KANK3: variants seen among roughly 807,000 people sequenced by gnomAD.
KANK3 encodes the protein KN motif and ankyrin repeat domains 3.
KANK3 carries 61 observed loss-of-function variants against 65.4 expected under a neutral mutation model. The ratio of observed to expected loss-of-function variants is 0.93; its 90% confidence interval spans 0.76 to 1.15. KANK3 has a LOEUF of 1.15. Among genes scored for constraint, KANK3 ranks in the 50% most tolerant of loss-of-function variants. The probability of loss-of-function intolerance (pLI) is 0.00; values close to 1 mark genes in which losing one functional copy is unlikely to be tolerated. For synonymous variants in KANK3, 586 were observed against 543.3 expected, an observed-to-expected ratio of 1.08 and a Z score of -1.09; for missense variants, 1,187 against 1,178.8, an observed-to-expected ratio of 1.01 and a Z score of -0.10.
At chr19:8,323,168 G>A (rs145210584) in intron 10 of KANK3, 18 of 340,176 alleles carry the variant, frequency 5.3e-5, no homozygotes, top group South Asian at 3.3e-4. Flanking sequence ...TACATCATAG[G>A]TTGAAAGTAT....
chr19:8,325,296 C>CTTTTTTTTTTTTTTTTTTTTTTTTT (rs573315741), intron 7 of KANK3, among the ~76,000 whole-genome samples, 200 bp from the exon 8 acceptor site: 3 of 78,604 alleles, frequency 3.8e-5, no homozygotes, highest in East Asian at 4.0e-4. Flanking sequence ...CCTGTTTCAT[C>CTTTTTTTTTTTTTTTTTTTTTTTTT]TTTTTTTTTT....
Position 8,334,846 on chromosome 19 carries a change from C to T in KANK3, c.981G>A (p.Val327=). 1 of 1,471,772 alleles carries T rather than the reference C, an allele frequency of 6.8e-7. No individual in the cohort carries two copies. Among genetic ancestry groups the T allele is most frequent in the Non-Finnish European group, 8.9e-7 (1 of 1,120,906 alleles). 91.2% of individuals were successfully genotyped at this position (1,471,772 alleles called of 1,614,324 possible). ...CCTCCACGGTCTCGGGGGCAGCCTC[C>T]ACGCCGGCCTCCCGGGTCTCCGGCA... ...QAVPETREAG[V]EAAPETVEAD... Residue 327 remains valine (V), a synonymous_variant, in exon 3 of 11, where the codon GTG becomes GTA. Coordinates refer to ENST00000330915, the MANE Select transcript of KANK3 (RefSeq NM_198471.3).
chr19:8,333,745 G>A lies in KANK3; in HGVS notation c.1698C>T (p.Pro566=). The change falls in exon 6 of 11, where the codon CCC becomes CCT. Residue 566 remains proline (P), a synonymous_variant. Transcript: ENST00000330915. This position sits in a 1 kb window ranked among gnomAD's most constrained non-coding sequence, Gnocchi z 5.0. ...CVALQRQLSR[P]RGVASDGGAV... Reference sequence around the variant, plus strand: ...TCACGCCGTCGCTGGCTACTCCGCGGGGCCGGCTCAGCTGCCGCTGCAGCG... The same window carrying A: ...TCACGCCGTCGCTGGCTACTCCGCGAGGCCGGCTCAGCTGCCGCTGCAGCG... 6.8e-7 allele frequency: 1 copy of A among 1,475,228 alleles called. No individual in the cohort carries two copies. Among genetic ancestry groups the A allele is most frequent in the Non-Finnish European group, 9.0e-7 (1 of 1,109,552 alleles). 91.4% of individuals were successfully genotyped at this position (1,475,228 alleles called of 1,614,324 possible). A position where few individuals can be genotyped will look rare whatever the true frequency, so the allele number is the denominator to read the frequency against.
At position 8,324,799 on chromosome 19, in the gene KANK3, C is replaced by G. The variant is rs1236985494; in HGVS notation, c.2114G>C (p.Ser705Thr). Residue 705 changes from serine (S) to threonine (T), a missense_variant, in exon 9 of 11, where the codon AGC becomes ACC. Ser to Thr is a moderately conservative substitution (Grantham distance 58, BLOSUM62 1). Coordinates refer to ENST00000330915, the MANE Select transcript of KANK3 (RefSeq NM_198471.3). ...TGCCACCATGTCCTGTCGGCCATGG[C>G]TGATGGCCAGCATGAGGGCTGTCTG... The part of the protein sequence containing the change: ...TGQTALMLAI[S>T]HGRQDMVATL... 1.2e-6 allele frequency: 2 copies of G among 1,613,388 alleles called. No homozygotes were observed. Among genetic ancestry groups the G allele is most frequent in the South Asian group, 1.1e-5 (1 of 91,082 alleles).
chr19:8,332,987 T>TTGGCCC, intron 7 of KANK3, 27 bp downstream of exon 7: 3 of 395,198 alleles, frequency 7.6e-6, no homozygotes, highest in East Asian at 6.5e-5. Context: ...TTTCCTGGTG[T>TTGGCCC]CCCACCCACC....
intron 2 of KANK3, 72 bp from the exon 3 acceptor site, chr19:8,335,864 G>C: frequency 9.3e-7 from 1 of 1,078,194 alleles, no homozygotes; most frequent in Non-Finnish European, 1.2e-6. Flanking sequence ...AACAAACCGA[G>C]CGTGTCCCCC....
rs1204907018 is a variant in KANK3, at chr19:8,333,265, T to C, written c.1720-35A>G. Reference sequence around the variant, plus strand: ...ACAGGGGCCAAGATAACATCGGCGATGGTCCACGGCGGCGCCGTGGTGGGG... The same window carrying C: ...ACAGGGGCCAAGATAACATCGGCGACGGTCCACGGCGGCGCCGTGGTGGGG... On this transcript the variant is annotated intron_variant, in intron 6 of 10. Transcript: ENST00000330915. The surrounding 1 kb of genome is among the most constrained non-coding windows in gnomAD (Gnocchi z 5.0). 1.9e-6 allele frequency: 3 copies of C among 1,542,662 alleles called. No individual in the cohort carries two copies. Among genetic ancestry groups the C allele is most frequent in the Admixed American group, 1.7e-5 (1 of 58,030 alleles).
At chr19:8,338,373 C>T (rs1270756073) in intron 1 of KANK3, among the ~76,000 whole-genome samples, 1 of 152,058 alleles carries the variant, frequency 6.6e-6, no homozygotes, top group Non-Finnish European at 1.5e-5. Context: ...AGATGTCAGC[C>T]TGCTGGGCAG....
intron 7 of KANK3, among the ~76,000 whole-genome samples, chr19:8,327,744 C>G (rs1303709249): frequency 6.6e-6 from 1 of 152,142 alleles, no homozygotes; most frequent in African/African-American, 2.4e-5. Flanking sequence ...CATCACGCCA[C>G]TACACCCCAG....
intron 2 of KANK3, among the ~76,000 whole-genome samples, chr19:8,336,158 C>G (rs35006155): frequency 0.31 from 47,429 of 152,064 alleles, 7,585 homozygotes; most frequent in Admixed American, 0.38. Context: ...GAGCCCTGGC[C>G]CGGCGTGTGG....
Position 8,333,773 on chromosome 19 carries a change from A to T in KANK3, c.1670T>A (p.Val557Glu). The change falls in exon 6 of 11, where the codon GTA (valine) becomes GAA (glutamate). Residue 557 changes from valine (V) to glutamate (E), a missense_variant. This residue lies in a region of KANK3 where 1,078 missense variants were observed against 1,038.2 expected (regional missense o/e 1.04). Transcript: ENST00000330915. The surrounding 1 kb of genome is among the most constrained non-coding windows in gnomAD (Gnocchi z 5.0). ...CCGGCTCAGCTGCCGCTGCAGCGCTACGCACGCCTCCCTCAGACGCGGGCT... is the reference window on the plus strand; with the variant it reads ...CCGGCTCAGCTGCCGCTGCAGCGCTTCGCACGCCTCCCTCAGACGCGGGCT... Reference protein sequence around the residue: ...ELSPRLREACVALQRQLSRPR... With the variant: ...ELSPRLREACEALQRQLSRPR... The T allele has an allele frequency of 6.6e-7, 1 of 1,511,008 alleles. No homozygotes were observed. The highest frequency in any genetic ancestry group is 8.9e-7 in the Non-Finnish European group (1 of 1,126,582). The allele number at this position is 1,511,008 out of a possible 1,614,324, so 93.6% of individuals were successfully genotyped here. A position where few individuals can be genotyped will look rare whatever the true frequency, so the allele number is the denominator to read the frequency against.
Position 8,322,747 on chromosome 19 carries a change from A to C in KANK3, c.*92T>G. ...CTTCGGCCAGTGTTAGCCTCTGAGC[A>C]GGGGACCCTGGACCCTTCTGTGCGC... On this transcript the variant is annotated 3_prime_UTR_variant, in exon 11 of 11. Transcript: ENST00000330915. 1.1e-6 allele frequency: 1 copy of C among 915,674 alleles called. No homozygotes were observed. Among genetic ancestry groups the C allele is most frequent in the Non-Finnish European group, 1.7e-6 (1 of 589,250 alleles). The allele number at this position is 915,674 out of a possible 1,614,324, so 56.7% of individuals were successfully genotyped here.
chr19:8,334,686 C>T lies in KANK3; in HGVS notation c.1141G>A (p.Glu381Lys). The T allele has an allele frequency of 1.3e-6, 2 of 1,533,676 alleles. No individual in the cohort carries two copies. The highest frequency in any genetic ancestry group is 1.7e-6 in the Non-Finnish European group (2 of 1,146,652). ...GCCTCCTCCGCAGCCTCGCGGGCTT[C>T]CTCCAGCTCCCGCAACCGGCCCCGC... is the stretch of plus-strand genomic sequence containing the variant. The part of the protein sequence containing the change: ...LLRGRLRELE[E>K]AREAAEEAAA... Residue 381 changes from glutamate to lysine, a missense_variant, in exon 3 of 11, where the codon GAA becomes AAA. Around this residue, in one of 3 missense-constraint regions of KANK3, gnomAD observed 1,078 missense variants for 1,038.2 expected, o/e 1.04. Coordinates refer to ENST00000330915, the MANE Select transcript of KANK3 (RefSeq NM_198471.3).
chr19:8,324,759 A>G lies in KANK3; in HGVS notation c.2154T>C (p.Cys718=), dbSNP rs1048407015. 1 of 1,613,886 alleles carries G rather than the reference A, an allele frequency of 6.2e-7. No individual in the cohort carries two copies. The highest frequency in any genetic ancestry group is 8.5e-7 in the Non-Finnish European group (1 of 1,180,032). The part of the protein sequence containing the change: ...RQDMVATLLA[C]GADVNAQDAD... ...CATCCTGCGCATTCACATCAGCCCC[A>G]CACGCCAGTAGGGTTGCCACCATGT... is the stretch of plus-strand genomic sequence containing the variant. The change falls in exon 9 of 11, where the codon TGT becomes TGC. Residue 718 remains cysteine, a synonymous_variant. Transcript: ENST00000330915.
intron 1 of KANK3, among the ~76,000 whole-genome samples, chr19:8,341,588 T>G (rs1054440723): frequency 6.6e-6 from 1 of 152,148 alleles, no homozygotes; most frequent in African/African-American, 2.4e-5. Flanking sequence ...TTTTTGTATT[T>G]TTAGTAGAGA....
At chr19:8,340,947 A>G (rs1219693686) in intron 1 of KANK3, among the ~76,000 whole-genome samples, 1 of 152,144 alleles carries the variant, frequency 6.6e-6, no homozygotes, top group African/African-American at 2.4e-5. Context: ...AGTCCAGATC[A>G]AGGGTTGGGG....
At chr19:8,334,160 C>T in intron 4 of KANK3, 44 bp from the exon 5 acceptor site, 1 of 1,489,576 alleles carries the variant, frequency 6.7e-7, no homozygotes. Context: ...CCCCTGTGGG[C>T]TCGTTCTGGA....
At position 8,334,864 on chromosome 19, in the gene KANK3, C is replaced by G. The variant is rs751171067; in HGVS notation, c.963G>C (p.Glu321Asp). Reference protein sequence around the residue: ...TREAGAQAVPETREAGVEAAP... With the variant: ...TREAGAQAVPDTREAGVEAAP... ...CAGCCTCCACGCCGGCCTCCCGGGT[C>G]TCCGGCACGGCCTGGGCACCCGCTT... Residue 321 changes from glutamate to aspartate, a missense_variant, in exon 3 of 11, where the codon GAG (glutamate) becomes GAC (aspartate). Glu to Asp is a conservative substitution (Grantham distance 45, BLOSUM62 2). Coordinates refer to ENST00000330915, the MANE Select transcript of KANK3 (RefSeq NM_198471.3). 71 of 1,461,712 alleles carry G rather than the reference C, an allele frequency of 4.9e-5. 1 individual carries two copies. The highest frequency in any genetic ancestry group is 4.3e-4 in the South Asian group (32 of 75,142). The allele number at this position is 1,461,712 out of a possible 1,614,324, so 90.5% of individuals were successfully genotyped here. A position where few individuals can be genotyped will look rare whatever the true frequency, so the allele number is the denominator to read the frequency against.
intron 7 of KANK3, 27 bp downstream of exon 7, chr19:8,332,987 T>TGGGGGGGCC: frequency 1.3e-5 from 5 of 395,184 alleles, no homozygotes; most frequent in Admixed American, 4.3e-5. Context: ...TTTCCTGGTG[T>TGGGGGGGCC]CCCACCCACC....
Sources: gnomAD v4.1 joint callset for allele counts (sites outside exome capture counted in the v4.1 genomes callset) on GRCh38, gnomAD v4.1.1 for gene constraint, gnomAD v4.1.1 regional missense constraint, Gnocchi (gnomAD v3.1) non-coding constraint, MANE v1.5 for transcripts, NCBI Gene and HGNC (gene_info 2026-07-23, HGNC 2026-07-21) for gene names.